LMBR1: variants seen among roughly 807,000 people sequenced by gnomAD.
LMBR1 encodes limb development membrane protein 1, also known as limb region 1 protein homolog.
Under a neutral mutation model 73.9 loss-of-function variants are expected in LMBR1, and 52 were observed. The ratio of observed to expected loss-of-function variants is 0.70; its 90% CI spans 0.56 to 0.89. The LOEUF is 0.89. LMBR1 is among the 40% of genes least tolerant of loss of function. The pLI is 0.00. For synonymous variants in LMBR1, 215 were observed against 209.4 expected, an observed-to-expected ratio of 1.03 and a Z score of -0.23; for missense variants, 539 against 579.8, an observed-to-expected ratio of 0.93 and a Z score of 0.72.
chr7:156,750,259 A>T (rs1014824990), intron 9 of LMBR1, among the ~76,000 whole-genome samples: 1 of 151,820 alleles, frequency 6.6e-6, no homozygotes, highest in Admixed American at 6.6e-5. Context: ...TGCATTACTT[A>T]AACATTTAAA....
At chr7:156,702,089 A>G (rs1353138628) in intron 15 of LMBR1, among the ~76,000 whole-genome samples, 1 of 152,198 alleles carries the variant, frequency 6.6e-6, no homozygotes, top group Non-Finnish European at 1.5e-5. Context: ...CAATGAACAT[A>G]TATGTGCATG....
intron 9 of LMBR1, among the ~76,000 whole-genome samples, chr7:156,750,294 G>A (rs909599275): frequency 7.0e-6 from 1 of 142,296 alleles, no homozygotes; most frequent in African/African-American, 2.9e-5. Flanking sequence ...GTGTGTGTGT[G>A]TACGTGTGTG....
chr7:156,707,304 T>C (rs539142521), intron 15 of LMBR1, among the ~76,000 whole-genome samples: 9 of 152,166 alleles, frequency 5.9e-5, no homozygotes, highest in African/African-American at 2.2e-4. Flanking sequence ...TTCTACCAAA[T>C]GTACAAAGAA....
intron 8 of LMBR1, among the ~76,000 whole-genome samples, chr7:156,757,383 T>C (rs190528644): frequency 2.6e-5 from 4 of 152,276 alleles, no homozygotes; most frequent in Admixed American, 6.5e-5. Flanking sequence ...AATCATCCAA[T>C]AGACCAAAAT....
At chr7:156,675,639 C>T (rs1803738051), downstream of LMBR1, 2 of 1,510,752 alleles carry the variant, frequency 1.3e-6, no homozygotes, top group Middle Eastern at 1.7e-4. Flanking sequence ...GAGAGCGCTT[C>T]CCTGCAACCT....
intron 3 of LMBR1, among the ~76,000 whole-genome samples, chr7:156,828,609 A>G (rs1416419646): frequency 2.6e-5 from 4 of 152,224 alleles, no homozygotes; most frequent in African/African-American, 7.2e-5. Context: ...AGTGTAAAAA[A>G]AAGCCATATC....
intron 4 of LMBR1, among the ~76,000 whole-genome samples, chr7:156,818,102 T>G (rs1486612186): frequency 6.6e-6 from 1 of 152,184 alleles, no homozygotes; most frequent in African/African-American, 2.4e-5. Context: ...ACATTAAAAT[T>G]TATTAGGGAC....
chr7:156,767,513 C>G (rs1005947675), intron 5 of LMBR1, among the ~76,000 whole-genome samples: 14 of 151,552 alleles, frequency 9.2e-5, no homozygotes, highest in Non-Finnish European at 1.5e-5. Flanking sequence ...TCATTTAAAA[C>G]GATAATATTT....
At chr7:156,804,210 A>C (rs1831568859) in intron 4 of LMBR1, among the ~76,000 whole-genome samples, 1 of 152,210 alleles carries the variant, frequency 6.6e-6, no homozygotes, top group Admixed American at 6.5e-5. Flanking sequence ...TGTGTGATAT[A>C]TACTCTTGTT....
chr7:156,763,295 A>G (rs1012108195), intron 6 of LMBR1, 119 bp from the exon 7 acceptor site: 5 of 491,220 alleles, frequency 1.0e-5, no homozygotes, highest in East Asian at 7.2e-5. Context: ...GTAATTGCCT[A>G]TTTTAGTTTA....
Position 156,892,580 on chromosome 7 carries a change from G to A in LMBR1, c.66+348C>T, listed in dbSNP as rs531926995. The A allele has an allele frequency of 2.5e-3, 502 of 199,818 alleles. 7 individuals carry two copies. Among genetic ancestry groups the A allele is most frequent in the African/African-American group, 0.011 (467 of 43,122 alleles). The allele number at this position is 199,818 out of a possible 1,614,324, so 12.4% of individuals were successfully genotyped here. ...GGAAGCCCCTGGGGTCCCAGAGCGCGGCGCGCACCGCAGCCCTCCCCGCGG... is the reference window on the plus strand; with the variant it reads ...GGAAGCCCCTGGGGTCCCAGAGCGCAGCGCGCACCGCAGCCCTCCCCGCGG... On this transcript the variant is annotated intron_variant, in intron 1 of 16. Coordinates refer to ENST00000353442, the MANE Select transcript of LMBR1 (RefSeq NM_022458.4).
intron 5 of LMBR1, among the ~76,000 whole-genome samples, chr7:156,781,983 T>C (rs1376145700): frequency 1.3e-5 from 2 of 152,194 alleles, no homozygotes; most frequent in Non-Finnish European, 2.9e-5. Flanking sequence ...AAACAATAAC[T>C]TCCCCCCCAA....
chr7:156,824,079 G>A (rs1477933928), intron 4 of LMBR1, among the ~76,000 whole-genome samples: 1 of 146,758 alleles, frequency 6.8e-6, no homozygotes, highest in African/African-American at 2.6e-5. Context: ...GACAGAGAGA[G>A]ACTCCATCTC....
intron 15 of LMBR1, among the ~76,000 whole-genome samples, chr7:156,714,779 C>A (rs550068320): frequency 5.3e-5 from 8 of 152,236 alleles, no homozygotes; most frequent in African/African-American, 1.9e-4. Context: ...GTCCTTCCAC[C>A]TGCCTCCCCT....
In LMBR1 at chr7:156,805,215, C is replaced by CTTT. The variant is rs58044015; in HGVS notation, c.320-8726_320-8724dup. 5.4e-3 allele frequency among the ~76,000 whole-genome samples: 663 copies of CTTT among 122,710 alleles called. 15 individuals are homozygous for CTTT. Among genetic ancestry groups the CTTT allele is most frequent in the East Asian group, 0.037 (155 of 4,218 alleles). 80.5% of individuals were successfully genotyped at this position (122,710 alleles called of 152,430 possible). On this transcript the variant is annotated intron_variant, in intron 4 of 16. Transcript: ENST00000353442. ...TTTATCTTTATGCTAACATCATGCA[C>CTTT]TTTTTTTTTTTTTTTTTTTTGAGAC...
At chr7:156,729,125 C>A (rs952555488) in intron 10 of LMBR1, among the ~76,000 whole-genome samples, 2 of 152,080 alleles carry the variant, frequency 1.3e-5, no homozygotes, top group South Asian at 4.1e-4. Context: ...ATTACAGGCA[C>A]GAACTACGAT....
At chr7:156,791,478 A>G (rs1169452379) in intron 5 of LMBR1, among the ~76,000 whole-genome samples, 2 of 152,200 alleles carry the variant, frequency 1.3e-5, no homozygotes, top group African/African-American at 4.8e-5. Context: ...AATACAGTAC[A>G]AGGTCACTTT....
At chr7:156,829,461 T>A (rs542016550) in intron 3 of LMBR1, among the ~76,000 whole-genome samples, 6 of 152,308 alleles carry the variant, frequency 3.9e-5, no homozygotes, top group African/African-American at 1.4e-4. Context: ...ACCTGGCACC[T>A]TCTCTTCAAT....
intron 15 of LMBR1, among the ~76,000 whole-genome samples, chr7:156,697,453 G>A (rs1475217029): frequency 1.3e-5 from 2 of 152,138 alleles, no homozygotes; most frequent in Non-Finnish European, 2.9e-5. Flanking sequence ...AAGCCTGAGG[G>A]TACTGCAGGA....
Sources: gnomAD v4.1 joint callset for allele counts (sites outside exome capture counted in the v4.1 genomes callset) on GRCh38, gnomAD v4.1.1 for gene constraint, MANE v1.5 for transcripts, NCBI Gene and HGNC (gene_info 2026-07-23, HGNC 2026-07-21) for gene names.